The following VAV3 variants were observed in gnomAD, a reference collection of about 807,000 sequenced individuals.
VAV3 encodes guanine nucleotide exchange factor VAV3.
VAV3 carries 94 observed loss-of-function variants against 131.2 expected under a neutral mutation model. The ratio of observed to expected loss-of-function variants is 0.72; its 90% CI spans 0.61 to 0.85. The LOEUF (loss-of-function observed/expected upper bound fraction) is 0.85. Among genes scored for constraint, VAV3 ranks in the 40% least tolerant of loss-of-function variants. The pLI, the probability that VAV3 is intolerant of heterozygous loss-of-function variation, is 0.00. For synonymous variants in VAV3, 349 were observed against 342.0 expected, an observed-to-expected ratio of 1.02 and a Z score of -0.22; for missense variants, 939 against 1,002.7, an observed-to-expected ratio of 0.94 and a Z score of 0.86.
chr1:107,619,913 C>A (rs1404006773), intron 20 of VAV3, among the ~76,000 whole-genome samples: 1 of 152,152 alleles, frequency 6.6e-6, no homozygotes, highest in African/African-American at 2.4e-5. Context: ...TAAATTGATA[C>A]CTTCATTCTG....
chr1:107,633,756 T>C (rs916361017), intron 20 of VAV3, among the ~76,000 whole-genome samples: 2 of 152,082 alleles, frequency 1.3e-5, no homozygotes, highest in Admixed American at 6.6e-5. Flanking sequence ...AGCTACCATA[T>C]AGGAAGTCTA....
At chr1:107,669,078 A>G (rs1657601399) in intron 19 of VAV3, 7 of 1,079,528 alleles carry the variant, frequency 6.5e-6, no homozygotes, top group South Asian at 2.6e-5. Context: ...AACACAGGGG[A>G]AAAAAAGAAA....
intron 1 of VAV3, among the ~76,000 whole-genome samples, chr1:107,879,218 A>C (rs1670649484): frequency 6.6e-6 from 1 of 152,140 alleles, no homozygotes; most frequent in African/African-American, 2.4e-5. Flanking sequence ...TTCTCCAAAT[A>C]AGTCTTATTT....
chr1:107,931,431 A>G (rs1673434292), intron 1 of VAV3, among the ~76,000 whole-genome samples: 1 of 152,230 alleles, frequency 6.6e-6, no homozygotes, highest in South Asian at 2.1e-4. Context: ...AATAAAAAAT[A>G]TACATTTTTA....
intron 1 of VAV3, among the ~76,000 whole-genome samples, chr1:107,930,611 A>T (rs1673384642): frequency 6.6e-6 from 1 of 152,222 alleles, no homozygotes; most frequent in African/African-American, 2.4e-5. Flanking sequence ...CAGTCAAAAA[A>T]TGTTAAAGAA....
At chr1:107,632,929 A>C (rs952127578) in intron 20 of VAV3, among the ~76,000 whole-genome samples, 3 of 152,196 alleles carry the variant, frequency 2.0e-5, no homozygotes, top group African/African-American at 7.2e-5. Flanking sequence ...AACCATTCTA[A>C]TACTATACCA....
chr1:107,716,039 T>A (rs143530027), intron 15 of VAV3, among the ~76,000 whole-genome samples: 2 of 152,326 alleles, frequency 1.3e-5, no homozygotes, highest in East Asian at 3.9e-4. Context: ...GCTTTGTTAA[T>A]TTTTCCTCTT....
At chr1:107,822,108 G>A (rs1005931146) in intron 2 of VAV3, among the ~76,000 whole-genome samples, 5 of 152,144 alleles carry the variant, frequency 3.3e-5, no homozygotes, top group Non-Finnish European at 5.9e-5. Flanking sequence ...AGGTGGGAGA[G>A]AGCAGCAGGC....
chr1:107,812,573 G>A (rs934565784), intron 2 of VAV3, among the ~76,000 whole-genome samples: 1 of 151,824 alleles, frequency 6.6e-6, no homozygotes, highest in African/African-American at 2.4e-5. Context: ...ATTCAATTCC[G>A]TATGGTGAAT....
chr1:107,963,807 C>A (rs1218183102), intron 1 of VAV3, among the ~76,000 whole-genome samples: 1 of 152,170 alleles, frequency 6.6e-6, no homozygotes, highest in Non-Finnish European at 1.5e-5. Flanking sequence ...TAACATCCTT[C>A]TGTACAAAAA....
rs1490754850 is a variant in VAV3, at chr1:107,606,981, A to G, written c.2015+2950T>C. 4.0e-5 allele frequency among the ~76,000 whole-genome samples: 6 copies of G among 149,378 alleles called. No individual in the cohort carries two copies. In the East Asian group the frequency reaches 1.2e-3, roughly 29 times the overall value. Reference sequence around the variant, plus strand: ...ATCTTTTTTTTTTTTTTAAGATGAAATCTCACACTGTCACCCGGGCTGGTG... The same window carrying G: ...ATCTTTTTTTTTTTTTTAAGATGAAGTCTCACACTGTCACCCGGGCTGGTG... On this transcript the variant is annotated intron_variant, in intron 22 of 26. Coordinates refer to ENST00000370056, the MANE Select transcript of VAV3 (RefSeq NM_006113.5).
intron 20 of VAV3, among the ~76,000 whole-genome samples, chr1:107,622,622 G>C (rs1483339922): frequency 6.6e-6 from 1 of 152,160 alleles, no homozygotes; most frequent in African/African-American, 2.4e-5. Flanking sequence ...AAAAGGGACA[G>C]ATTAATGGTT....
In VAV3 at chr1:107,603,194, A is replaced by G. The variant is rs967677502; in HGVS notation, c.2016-31T>C. Reference sequence around the variant, plus strand: ...AAAAACAATGACACAGAAAATTTGGATAATATACCTGGAAGAGAACAGAGG... The same window carrying G: ...AAAAACAATGACACAGAAAATTTGGGTAATATACCTGGAAGAGAACAGAGG... On this transcript the variant is annotated intron_variant, in intron 22 of 26. Transcript: ENST00000370056. The G allele has an allele frequency of 4.5e-6, 7 of 1,550,584 alleles. No individual in the cohort carries two copies. In the East Asian group the frequency reaches 1.6e-4, roughly 35 times the overall value.
chr1:107,693,454 T>C (rs968029248), intron 17 of VAV3, among the ~76,000 whole-genome samples: 1 of 152,170 alleles, frequency 6.6e-6, no homozygotes, highest in Non-Finnish European at 1.5e-5. Flanking sequence ...GGTGCTTCAT[T>C]CAGAAATGCA....
chr1:107,622,460 A>T (rs1404665534), intron 20 of VAV3, among the ~76,000 whole-genome samples: 2 of 152,138 alleles, frequency 1.3e-5, no homozygotes, highest in Non-Finnish European at 2.9e-5. Flanking sequence ...TTGGCTCCTA[A>T]CTCTGTAAAA....
chr1:107,753,365 A>G (rs1663856271), intron 12 of VAV3, among the ~76,000 whole-genome samples: 1 of 151,592 alleles, frequency 6.6e-6, no homozygotes, highest in African/African-American at 2.4e-5. Flanking sequence ...TGCAAGATGA[A>G]GTTTTGGAGA....
At chr1:107,630,829 ACAT>A (rs1444487886) in intron 20 of VAV3, among the ~76,000 whole-genome samples, 1 of 152,190 alleles carries the variant, frequency 6.6e-6, no homozygotes, top group Non-Finnish European at 1.5e-5. Flanking sequence ...ACATGATTCC[ACAT>A]TTAGACCCAA....
intron 2 of VAV3, among the ~76,000 whole-genome samples, chr1:107,869,143 A>T (rs1433102097): frequency 1.3e-5 from 2 of 152,162 alleles, no homozygotes; most frequent in Non-Finnish European, 2.9e-5. Flanking sequence ...CCATTCCTGA[A>T]CCATCACTAT....
Position 107,661,572 on chromosome 1 carries a change from T to C in VAV3, c.1778-18817A>G, listed in dbSNP as rs187915878. Among the ~76,000 whole-genome samples the C allele has an allele frequency of 4.8e-3, 737 of 152,334 alleles. 6 individuals are homozygous for C. The highest frequency in any genetic ancestry group is 6.8e-3 in the Non-Finnish European group (462 of 68,028). ...CTTTACAAGGCCAGGGACCATGAAA[T>C]TGTTCAATTGTTTATCCAAAGTATA... On this transcript the variant is annotated intron_variant, in intron 19 of 26. Coordinates refer to ENST00000370056, the MANE Select transcript of VAV3 (RefSeq NM_006113.5).
Sources: allele counts gnomAD v4.1 joint callset (sites outside exome capture counted in the v4.1 genomes callset), GRCh38; gene constraint gnomAD v4.1.1; transcripts MANE v1.5; gene names NCBI Gene and HGNC (gene_info 2026-07-23, HGNC 2026-07-21).